The following ZNF385D variants were observed in gnomAD, a reference collection of about 807,000 sequenced individuals.
ZNF385D encodes zinc finger protein 385D.
Under a neutral mutation model 35.8 loss-of-function variants are expected in ZNF385D, and 15 were observed. The observed-to-expected ratio is 0.42, with a 90% CI of 0.28 to 0.64. ZNF385D has a LOEUF of 0.64. Ranked by LOEUF, ZNF385D falls within the 30% of genes least tolerant of loss-of-function variation. The pLI is 0.23. For synonymous variants in ZNF385D, 212 were observed against 186.8 expected (o/e 1.13, Z -1.10); for missense variants, 474 against 494.6 (o/e 0.96, Z 0.39).
At chr3:21,598,826 A>T (rs960171346) in intron 2 of ZNF385D, among the ~76,000 whole-genome samples, 17 of 152,136 alleles carry the variant, frequency 1.1e-4, no homozygotes, top group Admixed American at 3.9e-4. Flanking sequence ...TAATTACCAA[A>T]ATTAATCTTA....
At chr3:22,121,100 G>T (rs1703068149) in intron 3 of ZNF385D, among the ~76,000 whole-genome samples, 1 of 152,136 alleles carries the variant, frequency 6.6e-6, no homozygotes, top group Admixed American at 6.6e-5. Context: ...TGTGAATTAT[G>T]TTTCTCTAAA....
intron 1 of ZNF385D, among the ~76,000 whole-genome samples, chr3:21,706,458 A>C (rs2067902468): frequency 6.6e-6 from 1 of 152,198 alleles, no homozygotes; most frequent in South Asian, 2.1e-4. Flanking sequence ...AATTTTGCAC[A>C]AGTTGTAGCA....
chr3:21,611,427 G>A (rs921198227), intron 2 of ZNF385D, among the ~76,000 whole-genome samples: 1 of 152,062 alleles, frequency 6.6e-6, no homozygotes, highest in South Asian at 2.1e-4. Flanking sequence ...AAACCAAAAA[G>A]CCTAAACCAC....
chr3:21,946,547 T>C (rs1575981140), intron 3 of ZNF385D, among the ~76,000 whole-genome samples: 1 of 149,810 alleles, frequency 6.7e-6, no homozygotes, highest in East Asian at 1.9e-4. Context: ...ACTTACTTTC[T>C]CAGGCCAAGC....
intron 3 of ZNF385D, among the ~76,000 whole-genome samples, chr3:21,916,418 T>C (rs1292425610): frequency 6.6e-6 from 1 of 151,990 alleles, no homozygotes; most frequent in African/African-American, 2.4e-5. Context: ...ATGCATATTT[T>C]AACTTTTACA....
chr3:21,836,656 G>C (rs186533862), intron 3 of ZNF385D, among the ~76,000 whole-genome samples: 324 of 152,156 alleles, frequency 2.1e-3, no homozygotes, highest in African/African-American at 7.4e-3. Flanking sequence ...AGAAACCATA[G>C]TATGTAAACG....
At chr3:21,907,481 T>C (rs2125907611) in intron 3 of ZNF385D, among the ~76,000 whole-genome samples, 1 of 152,284 alleles carries the variant, frequency 6.6e-6, no homozygotes. Flanking sequence ...ACATGACCAA[T>C]GCTTGTGTGA....
chr3:21,533,599 C>T (rs1030143360), intron 3 of ZNF385D, among the ~76,000 whole-genome samples: 2 of 152,094 alleles, frequency 1.3e-5, no homozygotes, highest in Middle Eastern at 6.8e-3. Context: ...TCAATAGATA[C>T]CATTTATGAA....
intron 1 of ZNF385D, among the ~76,000 whole-genome samples, chr3:21,722,877 C>T (rs546284787): frequency 1.1e-4 from 17 of 152,322 alleles, no homozygotes; most frequent in African/African-American, 4.1e-4. Flanking sequence ...CTCCATTTCT[C>T]ATACCTGTGT....
At chr3:22,023,315 A>AAAT (rs1482283690) in intron 3 of ZNF385D, among the ~76,000 whole-genome samples, 2 of 152,184 alleles carry the variant, frequency 1.3e-5, no homozygotes, top group Non-Finnish European at 2.9e-5. Context: ...AGCTCAGTCT[A>AAAT]TTTAGAGTCC....
At chr3:21,968,397 T>C (rs111729580) in intron 3 of ZNF385D, among the ~76,000 whole-genome samples, 1 of 152,096 alleles carries the variant, frequency 6.6e-6, no homozygotes, top group Non-Finnish European at 1.5e-5. Flanking sequence ...GCCAGTGGAC[T>C]TGAGGTACAC....
intron 3 of ZNF385D, among the ~76,000 whole-genome samples, chr3:22,013,601 T>G (rs1001973111): frequency 6.6e-6 from 1 of 152,080 alleles, no homozygotes; most frequent in Admixed American, 6.5e-5. Flanking sequence ...GGATTAGAAA[T>G]CAAGTCGACC....
At chr3:21,807,998 G>A (rs1440752518) in intron 3 of ZNF385D, among the ~76,000 whole-genome samples, 1 of 152,244 alleles carries the variant, frequency 6.6e-6, no homozygotes, top group Middle Eastern at 3.4e-3. Context: ...CCTCATGTAT[G>A]ACCAAATATG....
Position 21,511,009 on chromosome 3 carries a change from G to A in ZNF385D, c.291C>T (p.Ala97=). 1 of 1,613,938 alleles carries A rather than the reference G, an allele frequency of 6.2e-7. No homozygotes were observed. The highest frequency in any genetic ancestry group is 8.5e-7 in the Non-Finnish European group (1 of 1,179,950). ...LRFNSDSQAA[A]HYKGTKHAKK... is the part of the protein sequence containing the mutation. ...TGGCATGTTTCGTGCCTTTGTAGTG[G>A]GCCGCAGCCTGGCTCTACAAAGGAG... Residue 97 remains alanine, a synonymous_variant, in exon 4 of 8, where the codon GCC becomes GCT. Coordinates refer to ENST00000281523, the MANE Select transcript of ZNF385D (RefSeq NM_024697.3).
chr3:22,208,987 T>TCC (rs1553629612), intron 2 of ZNF385D, among the ~76,000 whole-genome samples: 3 of 151,822 alleles, frequency 2.0e-5, no homozygotes, highest in Non-Finnish European at 4.4e-5. Flanking sequence ...TCCAAGGTGA[T>TCC]CCCCCACTTT....
intron 3 of ZNF385D, among the ~76,000 whole-genome samples, chr3:21,541,059 A>G (rs527685904): frequency 6.6e-6 from 1 of 152,292 alleles, no homozygotes; most frequent in South Asian, 2.1e-4. Flanking sequence ...CAGTGTTCTA[A>G]TATAGTAGTA....
At chr3:21,510,829 G>GACA (rs745327192) in intron 4 of ZNF385D, 32 bp downstream of exon 4, 1 of 1,609,828 alleles carries the variant, frequency 6.2e-7, no homozygotes, top group South Asian at 1.1e-5. Context: ...CGACGACGAC[G>GACA]AGGACAACAA....
chr3:21,930,181 T>C (rs531512574), intron 3 of ZNF385D, among the ~76,000 whole-genome samples: 159 of 151,338 alleles, frequency 1.1e-3, no homozygotes, highest in African/African-American at 3.7e-3. Flanking sequence ...GCCAAGAAAG[T>C]TAAAGGGGTG....
intron 3 of ZNF385D, among the ~76,000 whole-genome samples, chr3:21,810,988 G>GTA (rs1397298585): frequency 6.1e-5 from 6 of 98,638 alleles, no homozygotes; most frequent in Non-Finnish European, 8.8e-5. Context: ...GTGTGTGTGT[G>GTA]TGTGTGTGTG....
Sources: gnomAD v4.1 joint callset for allele counts (sites outside exome capture counted in the v4.1 genomes callset) on GRCh38, gnomAD v4.1.1 for gene constraint, MANE v1.5 for transcripts, NCBI Gene and HGNC (gene_info 2026-07-23, HGNC 2026-07-21) for gene names.